CEP350: variants seen among roughly 807,000 people sequenced by gnomAD.
CEP350 encodes centrosomal protein 350.
In CEP350, 126 loss-of-function variants were observed where a neutral mutation model predicts 331.8. That is an observed-to-expected ratio of 0.38 (90% CI 0.33 to 0.44). The LOEUF (loss-of-function observed/expected upper bound fraction) is 0.44. Among genes scored for constraint, CEP350 ranks in the 20% least tolerant of loss-of-function variants. The pLI, the probability that CEP350 is intolerant of heterozygous loss-of-function variation, is 1.00. For synonymous variants in CEP350, 1,200 were observed against 1,259.5 expected, an observed-to-expected ratio of 0.95 and a Z score of 1.00; for missense variants, 3,406 against 3,634.6, an observed-to-expected ratio of 0.94 and a Z score of 1.62.
intron 20 of CEP350, 65 bp from the exon 21 acceptor site, chr1:180,043,986 A>G: frequency 2.2e-6 from 3 of 1,344,456 alleles, no homozygotes; most frequent in Non-Finnish European, 3.0e-6. Context: ...ACTATTAAGC[A>G]ATACTTAAAA....
chr1:180,099,161 C>T (rs1017335124), intron 37 of CEP350, among the ~76,000 whole-genome samples, 176 bp downstream of exon 37: 1 of 152,102 alleles, frequency 6.6e-6, no homozygotes, highest in South Asian at 2.1e-4. Context: ...TTCTTTTGTA[C>T]TCAGTAGATG....
chr1:180,093,332 T>C lies in CEP350; in HGVS notation c.7227T>C (p.Ser2409=), dbSNP rs745535881. ...CTTTGCTGTCACTCAGGAAAGACTC[T>C]CAGTCTTGCAGAGATAAGCCACAGC... The part of the protein sequence containing the change: ...VSSLLSLRKD[S]QSCRDKPQPM... Residue 2409 remains serine (S), a synonymous_variant, in exon 34 of 38, where the codon TCT becomes TCC. Transcript: ENST00000367607. 6.3e-7 allele frequency: 1 copy of C among 1,599,168 alleles called. No homozygotes were observed. The highest frequency in any genetic ancestry group is 2.2e-5 in the East Asian group (1 of 44,554).
intron 24 of CEP350, among the ~76,000 whole-genome samples, chr1:180,054,150 C>T (rs1657673781): frequency 6.6e-6 from 1 of 152,182 alleles, no homozygotes; most frequent in African/African-American, 2.4e-5. Context: ...ACTTAACTGA[C>T]TGTAATCTTA....
chr1:180,034,630 C>T (rs61242295), intron 16 of CEP350, among the ~76,000 whole-genome samples: 21,386 of 151,874 alleles, frequency 0.14, 1,592 homozygotes, highest in African/African-American at 0.17. Flanking sequence ...ATATCTGTTA[C>T]GGTGATCTGT....
intron 37 of CEP350, among the ~76,000 whole-genome samples, chr1:180,104,012 CAAATATATATTTTAAAATATATACA>C (rs1660999518): frequency 7.0e-6 from 1 of 143,590 alleles, no homozygotes; most frequent in Non-Finnish European, 1.5e-5. Flanking sequence ...AAAATATATA[CAAATATATATTTTAAAATATATACA>C]AAATATATAC....
rs750005933 is a variant in CEP350, at chr1:180,075,053, C to G, written c.5599C>G (p.Gln1867Glu). The part of the protein sequence containing the change: ...FLTKREQKLM[Q>E]RRQHAEELLE... ...GACAAAGCGGGAGCAAAAATTAATG[C>G]AACGGCGACAACATGCAGAGGAGCT... Residue 1867 changes from glutamine to glutamate, a missense_variant, in exon 28 of 38, where the codon CAA becomes GAA. Physicochemically the swap from Gln to Glu is conservative, Grantham distance 29. Transcript: ENST00000367607. The G allele has an allele frequency of 6.2e-7, 1 of 1,611,826 alleles. No homozygotes were observed. Among genetic ancestry groups the G allele is most frequent in the Non-Finnish European group, 8.5e-7 (1 of 1,179,034 alleles).
At chr1:180,018,857 C>CTTTTTTTT (rs5779042) in intron 11 of CEP350, among the ~76,000 whole-genome samples, 1 of 142,104 alleles carries the variant, frequency 7.0e-6, no homozygotes. Flanking sequence ...CTCTTTCTTT[C>CTTTTTTTT]TTTTTTTTTT....
chr1:180,102,801 A>C (rs749433219), intron 37 of CEP350, among the ~76,000 whole-genome samples: 12 of 152,204 alleles, frequency 7.9e-5, no homozygotes, highest in Non-Finnish European at 1.5e-4. Flanking sequence ...CTGTATATAG[A>C]ATTTTAAGTT....
chr1:180,070,215 A>C (rs552974289), intron 27 of CEP350, among the ~76,000 whole-genome samples: 2 of 152,208 alleles, frequency 1.3e-5, no homozygotes, highest in Admixed American at 1.3e-4. Flanking sequence ...TAGAACTGTA[A>C]ATGTTTCTTC....
At chr1:180,104,846 A>G (rs909776325) in intron 37 of CEP350, among the ~76,000 whole-genome samples, 1 of 152,212 alleles carries the variant, frequency 6.6e-6, no homozygotes, top group Non-Finnish European at 1.5e-5. Context: ...CACCTGATAC[A>G]GCATTCTTGA....
chr1:180,081,142 A>G (rs758954370), intron 30 of CEP350, among the ~76,000 whole-genome samples: 3 of 152,072 alleles, frequency 2.0e-5, no homozygotes, highest in African/African-American at 4.8e-5. Flanking sequence ...TGCTGGGATT[A>G]CAGGCGTGAG....
chr1:180,024,378 G>C (rs774322516), intron 13 of CEP350, 41 bp from the exon 14 acceptor site: 1 of 1,558,590 alleles, frequency 6.4e-7, no homozygotes, highest in Non-Finnish European at 8.7e-7. Flanking sequence ...TGTGTTGTAA[G>C]ACTTTTCTTT....
In CEP350 at chr1:180,020,910, G is replaced by C; in HGVS notation, c.3136G>C (p.Gly1046Arg). The stretch of plus-strand genomic sequence containing the variant: ...ATTCTTGCCACTTTTTGGGCACATA[G>C]GTGGTACACAAAGCAAAGGACCATG... The part of the protein sequence containing the change: ...EKFLPLFGHI[G>R]GTQSKGPWEE... Residue 1046 changes from glycine to arginine, a missense_variant, in exon 12 of 38, where the codon GGT becomes CGT. Gly to Arg is a moderately radical substitution (Grantham distance 125). Around this residue, in one of 5 missense-constraint regions of CEP350, gnomAD observed 1,857 missense variants for 1,909.2 expected, o/e 0.97. Coordinates refer to ENST00000367607, the MANE Select transcript of CEP350 (RefSeq NM_014810.5). The C allele has an allele frequency of 1.9e-6, 3 of 1,612,900 alleles. No individual in the cohort carries two copies. Among genetic ancestry groups the C allele is most frequent in the Non-Finnish European group, 2.5e-6 (3 of 1,179,740 alleles).
intron 20 of CEP350, 49 bp from the exon 21 acceptor site, chr1:180,044,002 C>T (rs1454737631): frequency 4.2e-6 from 6 of 1,444,922 alleles, no homozygotes; most frequent in Non-Finnish European, 5.5e-6. Flanking sequence ...TAAAATCTTT[C>T]TGTTATTAGA....
chr1:180,088,660 C>T (rs372489795), intron 32 of CEP350, among the ~76,000 whole-genome samples: 5 of 152,086 alleles, frequency 3.3e-5, no homozygotes, highest in African/African-American at 1.2e-4. Flanking sequence ...TTTAGCATTA[C>T]CTAAATTTGA....
rs1230200688 is a variant in CEP350, at chr1:180,095,683, C to T, written c.8672C>T (p.Ala2891Val). The T allele has an allele frequency of 6.2e-7, 1 of 1,613,918 alleles. No individual in the cohort carries two copies. Among genetic ancestry groups the T allele is most frequent in the Non-Finnish European group, 8.5e-7 (1 of 1,179,868 alleles). The change falls in exon 35 of 38, where the codon GCA (alanine) becomes GTA (valine). Residue 2891 changes from alanine (A) to valine (V), a missense_variant. Physicochemically the swap from Ala to Val is moderately conservative, Grantham distance 64. Coordinates refer to ENST00000367607, the MANE Select transcript of CEP350 (RefSeq NM_014810.5). ...TCTCACAAGATCCAAAAAAATAAGG[C>T]AGAAGAAACCATTGTACCTCTAATG... ...SSSHKIQKNKAEETIVPLMAE... is the reference protein window; with the variant it reads ...SSSHKIQKNKVEETIVPLMAE...
intron 28 of CEP350, among the ~76,000 whole-genome samples, chr1:180,078,103 A>G (rs1432049174): frequency 6.6e-6 from 1 of 152,000 alleles, no homozygotes; most frequent in Admixed American, 6.6e-5. Flanking sequence ...ACTGCACCCC[A>G]CCCTGGGCAA....
In CEP350 at chr1:179,990,517, T is replaced by C. The variant is rs1652978099; in HGVS notation, c.131T>C (p.Ile44Thr). Reference protein sequence around the residue: ...LSQTKAALRHIENKLEVAPTS... With the variant: ...LSQTKAALRHTENKLEVAPTS... ...GTGTTTAAACTTTAGCTGAGACACATTGAAAATAAATTAGAAGTAGCCCCT... is the reference window on the plus strand; with the variant it reads ...GTGTTTAAACTTTAGCTGAGACACACTGAAAATAAATTAGAAGTAGCCCCT... Residue 44 changes from isoleucine (I) to threonine (T), a missense_variant, in exon 4 of 38, where the codon ATT becomes ACT. Physicochemically the swap from Ile to Thr is moderately conservative, Grantham distance 89. Around this residue, in one of 5 missense-constraint regions of CEP350, gnomAD observed 1,857 missense variants for 1,909.2 expected, o/e 0.97. Transcript: ENST00000367607. The C allele has an allele frequency of 6.3e-7, 1 of 1,580,896 alleles. No individual in the cohort carries two copies. The highest frequency in any genetic ancestry group is 1.8e-5 in the Admixed American group (1 of 57,060).
chr1:179,989,288 A>G (rs1247760962), intron 3 of CEP350, among the ~76,000 whole-genome samples: 4 of 151,848 alleles, frequency 2.6e-5, no homozygotes, highest in Non-Finnish European at 5.9e-5. Context: ...ATTAAAATTC[A>G]GATTCTGAAT....
Sources: allele counts gnomAD v4.1 joint callset (sites outside exome capture counted in the v4.1 genomes callset), GRCh38; gene constraint gnomAD v4.1.1; regional missense constraint gnomAD v4.1.1; transcripts MANE v1.5; gene names NCBI Gene and HGNC (gene_info 2026-07-23, HGNC 2026-07-21).